The following ZNF385D variants were observed in gnomAD, a reference collection of about 807,000 sequenced individuals.
ZNF385D encodes zinc finger protein 659.
A neutral mutation model predicts 35.8 loss-of-function variants in ZNF385D; 15 were observed. The observed-to-expected ratio is 0.42, with a 90% CI of 0.28 to 0.64. The LOEUF is 0.64. Ranked by LOEUF, ZNF385D falls within the 30% of genes least tolerant of loss-of-function variation. The pLI is 0.23. For missense variants in ZNF385D, 474 were observed against 494.6 expected (o/e 0.96, Z 0.39); for synonymous variants, 212 against 186.8 (o/e 1.13, Z -1.10).
At chr3:22,156,956 A>C (rs1296965180) in intron 3 of ZNF385D, among the ~76,000 whole-genome samples, 4 of 152,132 alleles carry the variant, frequency 2.6e-5, no homozygotes, top group Non-Finnish European at 5.9e-5. Flanking sequence ...CAGATCTCCC[A>C]CAGAGTTCGC....
chr3:22,250,751 A>G (rs966077079), intron 2 of ZNF385D, among the ~76,000 whole-genome samples: 1 of 152,120 alleles, frequency 6.6e-6, no homozygotes, highest in African/African-American at 2.4e-5. Flanking sequence ...ATAACACTGC[A>G]TGACAGAGCA....
intron 3 of ZNF385D, among the ~76,000 whole-genome samples, chr3:22,123,916 G>C (rs1296997716): frequency 5.7e-5 from 7 of 122,002 alleles, no homozygotes; most frequent in African/African-American, 1.9e-4. Context: ...ACTAGAGCTA[G>C]ACTCCATCTC....
intron 2 of ZNF385D, among the ~76,000 whole-genome samples, chr3:21,585,321 A>AGAGT (rs2063778940): frequency 6.6e-6 from 1 of 151,478 alleles, no homozygotes; most frequent in East Asian, 1.9e-4. Flanking sequence ...ACTCTTAGTG[A>AGAGT]GAGTTACTTT....
chr3:22,231,793 G>A (rs986540756), intron 2 of ZNF385D, among the ~76,000 whole-genome samples: 1 of 152,084 alleles, frequency 6.6e-6, no homozygotes, highest in Non-Finnish European at 1.5e-5. Context: ...TTGAAGGTGG[G>A]CCCTGGTGGA....
chr3:21,866,178 C>A (rs1269150658), intron 3 of ZNF385D, among the ~76,000 whole-genome samples: 1 of 151,850 alleles, frequency 6.6e-6, no homozygotes, highest in South Asian at 2.1e-4. Context: ...CTGGGCTGGG[C>A]GCAGTGGCTC....
chr3:22,038,894 A>G (rs1311313437), intron 3 of ZNF385D, among the ~76,000 whole-genome samples: 1 of 149,574 alleles, frequency 6.7e-6, no homozygotes, highest in African/African-American at 2.4e-5. Context: ...TATTTTTATT[A>G]TATATAAACA....
chr3:22,030,003 C>A (rs941267627), intron 3 of ZNF385D, among the ~76,000 whole-genome samples: 47 of 151,530 alleles, frequency 3.1e-4, no homozygotes, highest in Admixed American at 3.0e-3. Flanking sequence ...GGCAGACCCA[C>A]CCTTAATCTG....
intron 3 of ZNF385D, among the ~76,000 whole-genome samples, chr3:22,131,973 G>T (rs1262377939): frequency 6.6e-6 from 1 of 152,156 alleles, no homozygotes; most frequent in African/African-American, 2.4e-5. Flanking sequence ...AACATATTAA[G>T]TATGTTCACC....
chr3:21,658,837 A>G (rs2066151588), intron 2 of ZNF385D, among the ~76,000 whole-genome samples: 1 of 152,090 alleles, frequency 6.6e-6, no homozygotes, highest in Admixed American at 6.6e-5. Context: ...ATAGTTCTTT[A>G]TAGAATGATT....
At chr3:22,163,642 T>G (rs1221286164) in intron 3 of ZNF385D, among the ~76,000 whole-genome samples, 4 of 152,228 alleles carry the variant, frequency 2.6e-5, no homozygotes, top group African/African-American at 7.2e-5. Flanking sequence ...CTTAAATGAC[T>G]GCTAAAAATT....
At chr3:21,935,667 G>C (rs1559769799) in intron 3 of ZNF385D, among the ~76,000 whole-genome samples, 1 of 151,886 alleles carries the variant, frequency 6.6e-6, no homozygotes, top group Non-Finnish European at 1.5e-5. Flanking sequence ...TTTTTTCTTA[G>C]CACATACAAT....
chr3:22,174,934 C>T (rs985690647), intron 2 of ZNF385D, among the ~76,000 whole-genome samples: 4 of 151,738 alleles, frequency 2.6e-5, no homozygotes, highest in African/African-American at 9.7e-5. Context: ...TAAATATTCC[C>T]CAAATTTTAC....
chr3:21,889,400 T>A (rs1387314628), intron 3 of ZNF385D, among the ~76,000 whole-genome samples: 1 of 151,992 alleles, frequency 6.6e-6, no homozygotes, highest in African/African-American at 2.4e-5. Flanking sequence ...ATGGTGGAAA[T>A]GTACTGGCCT....
intron 2 of ZNF385D, among the ~76,000 whole-genome samples, chr3:22,341,139 T>C (rs998494942): frequency 3.9e-5 from 6 of 152,212 alleles, no homozygotes; most frequent in Non-Finnish European, 8.8e-5. Context: ...AAAGTTTATT[T>C]TCCTTGTACT....
intron 1 of ZNF385D, among the ~76,000 whole-genome samples, chr3:21,721,473 C>G (rs901102140): frequency 6.6e-6 from 1 of 151,998 alleles, no homozygotes; most frequent in Non-Finnish European, 1.5e-5. Flanking sequence ...TCCACACAAA[C>G]AGAGGAAAAT....
chr3:21,601,236 T>C (rs1483760828), intron 2 of ZNF385D, among the ~76,000 whole-genome samples: 1 of 152,170 alleles, frequency 6.6e-6, no homozygotes, highest in East Asian at 1.9e-4. Context: ...CTGTGACCAG[T>C]TCCTCAAAAG....
chr3:21,803,576 G>A (rs573986318), intron 3 of ZNF385D, among the ~76,000 whole-genome samples: 4 of 151,998 alleles, frequency 2.6e-5, no homozygotes, highest in African/African-American at 9.7e-5. Context: ...AAATTACATA[G>A]AATAGACATG....
At chr3:22,303,240 A>G (rs1175576807) in intron 2 of ZNF385D, among the ~76,000 whole-genome samples, 1 of 152,108 alleles carries the variant, frequency 6.6e-6, no homozygotes, top group Non-Finnish European at 1.5e-5. Flanking sequence ...AGTGGCTTAT[A>G]TGGTACTGTC....
chr3:21,852,055 A>G (rs895580183), intron 3 of ZNF385D, among the ~76,000 whole-genome samples: 1 of 151,942 alleles, frequency 6.6e-6, no homozygotes, highest in Non-Finnish European at 1.5e-5. Context: ...TTTCTTTCCA[A>G]TGTCTAGACT....
Sources: allele counts gnomAD v4.1 joint callset (sites outside exome capture counted in the v4.1 genomes callset), GRCh38; gene constraint gnomAD v4.1.1; transcripts MANE v1.5; gene names NCBI Gene and HGNC (gene_info 2026-07-23, HGNC 2026-07-21).